Variants in CACNA2D1 observed in about 807,000 individuals in gnomAD.
CACNA2D1 encodes calcium voltage-gated channel auxiliary subunit alpha2delta 1, also known as voltage-dependent calcium channel subunit alpha-2/delta-1.
A neutral mutation model predicts 171.5 loss-of-function variants in CACNA2D1; 53 were observed. That is an observed-to-expected ratio of 0.31 (90% confidence interval 0.25 to 0.39). The LOEUF (loss-of-function observed/expected upper bound fraction) is 0.39. CACNA2D1 is among the 10% of genes least tolerant of loss of function. The probability of loss-of-function intolerance (pLI) is 1.00; values close to 1 mark genes in which losing one functional copy is unlikely to be tolerated. For missense variants in CACNA2D1, 903 were observed against 1,299.8 expected, an observed-to-expected ratio of 0.69 and a Z score of 4.69; for synonymous variants, 442 against 443.1, an observed-to-expected ratio of 1.00 and a Z score of 0.03.
intron 10 of CACNA2D1, chr7:82,050,604 GAGA>G (rs1291874263): frequency 1.4e-6 from 1 of 702,672 alleles, no homozygotes; most frequent in Non-Finnish European, 2.6e-6. Flanking sequence ...ATCTCTTCGG[GAGA>G]AGGAGAAATC....
chr7:82,131,916 G>A (rs180788055), intron 5 of CACNA2D1, among the ~76,000 whole-genome samples: 462 of 152,186 alleles, frequency 3.0e-3, no homozygotes, highest in Middle Eastern at 0.017. Flanking sequence ...AATCCACCCT[G>A]TACTGCAAAA....
At chr7:82,162,225 A>C (rs915650895) in intron 4 of CACNA2D1, among the ~76,000 whole-genome samples, 1 of 152,032 alleles carries the variant, frequency 6.6e-6, no homozygotes, top group Admixed American at 6.6e-5. Context: ...AGAGGTCCAC[A>C]TAACTTTTGG....
rs148890734 is a variant in CACNA2D1 at position 82,009,637 on chromosome 7, C to G, written c.1363-1881G>C. Among the ~76,000 whole-genome samples, 605 of 152,022 alleles carry G rather than the reference C, an allele frequency of 4.0e-3. 5 individuals are homozygous for G. Among genetic ancestry groups the G allele is most frequent in the African/African-American group, 0.014 (579 of 41,478 alleles). ...ATTACTTTTGCATTTATACTGCATA[C>G]CATAATTTGCTTCTAAAAATGGTAA... On this transcript the variant is annotated intron_variant, in intron 15 of 38. Transcript: ENST00000356860.
intron 1 of CACNA2D1, among the ~76,000 whole-genome samples, chr7:82,357,563 G>A (rs1445759921): frequency 6.6e-6 from 1 of 152,006 alleles, no homozygotes; most frequent in Non-Finnish European, 1.5e-5. Flanking sequence ...AAATAATAAT[G>A]TGTGTAAACA....
chr7:82,289,073 G>A (rs899297807), intron 3 of CACNA2D1, among the ~76,000 whole-genome samples: 1 of 152,004 alleles, frequency 6.6e-6, no homozygotes, highest in Admixed American at 6.6e-5. Flanking sequence ...AATCTGGATG[G>A]GATCCAAATA....
intron 12 of CACNA2D1, among the ~76,000 whole-genome samples, chr7:82,017,363 T>C (rs1800626518): frequency 2.0e-5 from 3 of 152,176 alleles, no homozygotes; most frequent in Admixed American, 2.0e-4. Context: ...ACATTTTAGC[T>C]AATTACATAA....
intron 10 of CACNA2D1, among the ~76,000 whole-genome samples, chr7:82,052,445 A>T (rs149046682): frequency 1.3e-5 from 2 of 152,270 alleles, no homozygotes; most frequent in African/African-American, 4.8e-5. Context: ...AAATTGTTAA[A>T]TCTGTATTTA....
At chr7:82,362,296 G>A (rs187695419) in intron 1 of CACNA2D1, among the ~76,000 whole-genome samples, 13 of 152,242 alleles carry the variant, frequency 8.5e-5, no homozygotes, top group Non-Finnish European at 1.9e-4. Flanking sequence ...TCCCAACGTA[G>A]ATTTCAACAA....
At chr7:82,193,090 G>C (rs992984751) in intron 3 of CACNA2D1, among the ~76,000 whole-genome samples, 5 of 151,828 alleles carry the variant, frequency 3.3e-5, no homozygotes, top group Admixed American at 2.0e-4. Flanking sequence ...CTGTTCTCAA[G>C]GGGTCGTACA....
chr7:82,431,975 T>C (rs1007374163), intron 1 of CACNA2D1, among the ~76,000 whole-genome samples: 34 of 139,180 alleles, frequency 2.4e-4, no homozygotes, highest in African/African-American at 9.4e-4. Flanking sequence ...GAGGTGGAGG[T>C]TGCAGTGAGC....
At chr7:82,416,249 A>T (rs1828155262) in intron 1 of CACNA2D1, among the ~76,000 whole-genome samples, 1 of 152,036 alleles carries the variant, frequency 6.6e-6, no homozygotes, top group South Asian at 2.1e-4. Context: ...TAAAGAATTT[A>T]AAAATCTCAT....
At chr7:82,261,415 T>A (rs1807086355) in intron 3 of CACNA2D1, among the ~76,000 whole-genome samples, 1 of 152,188 alleles carries the variant, frequency 6.6e-6, no homozygotes, top group African/African-American at 2.4e-5. Context: ...TGCTCAGAGG[T>A]GAATCTAACA....
chr7:82,142,797 AT>A (rs2129090895), intron 4 of CACNA2D1, among the ~76,000 whole-genome samples: 1 of 152,288 alleles, frequency 6.6e-6, no homozygotes, highest in Non-Finnish European at 1.5e-5. Flanking sequence ...TTGGTTAAAC[AT>A]TGTAGATACT....
intron 6 of CACNA2D1, among the ~76,000 whole-genome samples, chr7:82,095,168 C>T (rs1348485474): frequency 1.3e-5 from 2 of 152,046 alleles, no homozygotes; most frequent in Admixed American, 6.6e-5. Flanking sequence ...GCTGTCTTCT[C>T]TGTCTGGACT....
chr7:82,351,097 T>A (rs4732443), intron 1 of CACNA2D1, among the ~76,000 whole-genome samples: 111,605 of 152,088 alleles, frequency 0.73, 41,399 homozygotes, highest in African/African-American at 0.85. Flanking sequence ...GCCAAGGCAA[T>A]TGTAAAGAAA....
chr7:82,020,634 A>G (rs1801074246), intron 12 of CACNA2D1, among the ~76,000 whole-genome samples: 1 of 152,064 alleles, frequency 6.6e-6, no homozygotes, highest in East Asian at 1.9e-4. Context: ...TTAGCCTTTT[A>G]TGCCTCAAGA....
intron 3 of CACNA2D1, among the ~76,000 whole-genome samples, chr7:82,229,698 T>TTTATTTTATTTTATC: frequency 6.6e-6 from 1 of 151,570 alleles, no homozygotes; most frequent in South Asian, 2.1e-4. Context: ...TTTATTTTAT[T>TTTATTTTATTTTATC]TTATTTTATT....
chr7:82,035,704 G>T (rs547417977), intron 11 of CACNA2D1, among the ~76,000 whole-genome samples: 88 of 152,152 alleles, frequency 5.8e-4, no homozygotes, highest in Middle Eastern at 3.4e-3. Flanking sequence ...AGGAGGCAAT[G>T]AAGTGAGGGG....
chr7:82,167,642 A>G (rs1321496262), intron 4 of CACNA2D1, among the ~76,000 whole-genome samples: 4 of 152,098 alleles, frequency 2.6e-5, no homozygotes, highest in Admixed American at 2.6e-4. Context: ...TATGGGAAAT[A>G]GCAATTCTCA....
Sources: allele counts gnomAD v4.1 joint callset (sites outside exome capture counted in the v4.1 genomes callset), GRCh38; gene constraint gnomAD v4.1.1; transcripts MANE v1.5; gene names NCBI Gene and HGNC (gene_info 2026-07-23, HGNC 2026-07-21).